Variants in DLG2 observed in about 807,000 individuals in gnomAD.
DLG2 encodes discs large MAGUK scaffold protein 2.
In DLG2, 45 loss-of-function variants were observed where a neutral mutation model predicts 132.5. That is an observed-to-expected ratio of 0.34 (90% CI 0.27 to 0.44). The LOEUF (loss-of-function observed/expected upper bound fraction) is 0.44, where lower values mean the gene tolerates loss of function less well. Among genes scored for constraint, DLG2 ranks in the 20% least tolerant of loss-of-function variants. DLG2 has a pLI of 1.00. For synonymous variants in DLG2, 424 were observed against 419.6 expected, an observed-to-expected ratio of 1.01 and a Z score of -0.13; for missense variants, 1,045 against 1,196.9, an observed-to-expected ratio of 0.87 and a Z score of 1.87.
chr11:84,714,644 TCTTTCTCTCTCTC>T (rs2060978014), intron 6 of DLG2, among the ~76,000 whole-genome samples: 4 of 136,588 alleles, frequency 2.9e-5, no homozygotes, highest in African/African-American at 8.7e-5. Context: ...TCTCTCTCTC[TCTTTCTCTCTCTC>T]TCTCTCTCTC....
At chr11:84,520,237 A>G (rs1264603059) in intron 7 of DLG2, among the ~76,000 whole-genome samples, 7 of 152,176 alleles carry the variant, frequency 4.6e-5, no homozygotes, top group Non-Finnish European at 1.5e-5. Context: ...TTGTATGGAC[A>G]AGTTCTTTGT....
chr11:83,827,319 T>C (rs1455415720), intron 17 of DLG2, among the ~76,000 whole-genome samples: 1 of 152,180 alleles, frequency 6.6e-6, no homozygotes, highest in East Asian at 1.9e-4. Flanking sequence ...GCTCATATTC[T>C]GTTTAATTAA....
intron 9 of DLG2, among the ~76,000 whole-genome samples, chr11:84,124,191 C>A (rs1432749859): frequency 6.6e-6 from 1 of 152,046 alleles, no homozygotes. Context: ...CTGACCACTA[C>A]CAGCACATGT....
chr11:84,164,002 A>T (rs2095606748), intron 8 of DLG2, among the ~76,000 whole-genome samples: 1 of 152,152 alleles, frequency 6.6e-6, no homozygotes, highest in Non-Finnish European at 1.5e-5. Flanking sequence ...TTAGTGGCTC[A>T]AGCTCAGGTA....
intron 6 of DLG2, among the ~76,000 whole-genome samples, chr11:84,788,212 C>T (rs1393381187): frequency 7.1e-6 from 1 of 141,784 alleles, no homozygotes; most frequent in Non-Finnish European, 1.5e-5. Context: ...AATAGTAAAA[C>T]AAAATCAGTC....
At chr11:85,622,666 C>G (rs961141478) in intron 2 of DLG2, among the ~76,000 whole-genome samples, 5 of 150,688 alleles carry the variant, frequency 3.3e-5, no homozygotes, top group African/African-American at 1.2e-4. Context: ...ATGAAGTATA[C>G]AGTCAACCAA....
chr11:83,496,679 C>T (rs1374807057), intron 21 of DLG2, among the ~76,000 whole-genome samples: 2 of 152,072 alleles, frequency 1.3e-5, no homozygotes, highest in African/African-American at 4.8e-5. Context: ...AGAAGGCAGA[C>T]ACAAAAGAAT....
intron 6 of DLG2, chr11:85,021,614 T>C: frequency 3.0e-6 from 4 of 1,347,766 alleles, no homozygotes; most frequent in Non-Finnish European, 4.3e-6. Flanking sequence ...CGGGAGTTCA[T>C]GGAGCGAGGA....
chr11:83,828,159 T>C (rs779013632), intron 17 of DLG2, among the ~76,000 whole-genome samples: 5 of 152,170 alleles, frequency 3.3e-5, no homozygotes, highest in East Asian at 1.9e-4. Flanking sequence ...ATGGCACCCA[T>C]AACCTTAAAA....
intron 13 of DLG2, among the ~76,000 whole-genome samples, chr11:83,964,210 A>C (rs183783257): frequency 3.7e-4 from 56 of 152,046 alleles, no homozygotes; most frequent in African/African-American, 8.9e-4. Context: ...TATGCCCTGC[A>C]TGAAGTGGCT....
chr11:84,570,600 C>G (rs773084840), intron 6 of DLG2, among the ~76,000 whole-genome samples: 1 of 152,076 alleles, frequency 6.6e-6, no homozygotes, highest in Non-Finnish European at 1.5e-5. Flanking sequence ...GAATCATGTA[C>G]CATCACTGAT....
At chr11:83,549,606 A>G (rs578246822) in intron 19 of DLG2, among the ~76,000 whole-genome samples, 2 of 152,290 alleles carry the variant, frequency 1.3e-5, no homozygotes, top group East Asian at 3.9e-4. Flanking sequence ...ATATGTAGTA[A>G]ACTTCTTCAA....
chr11:84,174,049 T>C (rs2095887225), intron 8 of DLG2, among the ~76,000 whole-genome samples: 1 of 115,176 alleles, frequency 8.7e-6, no homozygotes, highest in Non-Finnish European at 1.9e-5. Context: ...GAGTAAACAC[T>C]TAAGTACTGC....
At chr11:84,902,017 C>T (rs2090949618) in intron 6 of DLG2, among the ~76,000 whole-genome samples, 1 of 151,788 alleles carries the variant, frequency 6.6e-6, no homozygotes. Context: ...TTCCTATTGC[C>T]CTAATAAAAA....
intron 2 of DLG2, among the ~76,000 whole-genome samples, chr11:85,602,270 T>C (rs2080216187): frequency 6.6e-6 from 1 of 152,194 alleles, no homozygotes; most frequent in East Asian, 1.9e-4. Flanking sequence ...ATCCCATCAC[T>C]TCTCCCTACC....
chr11:83,922,977 A>T (rs1285405526), intron 15 of DLG2, among the ~76,000 whole-genome samples: 1 of 152,146 alleles, frequency 6.6e-6, no homozygotes, highest in Non-Finnish European at 1.5e-5. Context: ...TATAAGTATA[A>T]AATCACATAT....
chr11:85,500,307 C>T (rs748407357), intron 3 of DLG2, among the ~76,000 whole-genome samples: 1 of 138,636 alleles, frequency 7.2e-6, no homozygotes, highest in African/African-American at 3.2e-5. Context: ...AACCAAACAC[C>T]GCATATTCTC....
chr11:83,457,203 T>C lies in DLG2; in HGVS notation c.*2615A>G, dbSNP rs1006656756. The C allele has an allele frequency of 4.6e-5, 7 of 152,594 alleles. No homozygotes were observed. Among genetic ancestry groups the C allele is most frequent in the Admixed American group, 4.6e-4 (7 of 15,272 alleles). The allele number at this position is 152,594 out of a possible 1,614,324, so 9.5% of individuals were successfully genotyped here. Reference sequence around the variant, plus strand: ...TGTTAGCACCAGTCTGGCCCCAGGCTCCGAGTGCATTTGCACCAGATGTAA... The same window carrying C: ...TGTTAGCACCAGTCTGGCCCCAGGCCCCGAGTGCATTTGCACCAGATGTAA... On this transcript the variant is annotated 3_prime_UTR_variant, in exon 28 of 28. Coordinates refer to ENST00000376104, the MANE Select transcript of DLG2 (RefSeq NM_001142699.3).
At chr11:85,296,260 A>C (rs1025588194) in intron 3 of DLG2, among the ~76,000 whole-genome samples, 1 of 152,122 alleles carries the variant, frequency 6.6e-6, no homozygotes, top group Admixed American at 6.6e-5. Context: ...GCAATTTTAT[A>C]ATCAGTCCAA....
Sources: gnomAD v4.1 joint callset for allele counts (sites outside exome capture counted in the v4.1 genomes callset) on GRCh38, gnomAD v4.1.1 for gene constraint, MANE v1.5 for transcripts, NCBI Gene and HGNC (gene_info 2026-07-23, HGNC 2026-07-21) for gene names.